TBC1D24: variants seen among roughly 807,000 people sequenced by gnomAD.
TBC1D24 encodes Infantile myoclonic epilepsy.
Under a neutral mutation model 50.7 loss-of-function variants are expected in TBC1D24, and 47 were observed. The ratio of observed to expected loss-of-function variants is 0.93; its 90% confidence interval spans 0.73 to 1.18. The LOEUF is 1.18. Among genes scored for constraint, TBC1D24 ranks in the 50% most tolerant of loss-of-function variants. The probability of loss-of-function intolerance (pLI) is 0.00; values close to 1 mark genes in which losing one functional copy is unlikely to be tolerated. For synonymous variants in TBC1D24, 324 were observed against 335.2 expected, an observed-to-expected ratio of 0.97 and a Z score of 0.36; for missense variants, 688 against 766.5, an observed-to-expected ratio of 0.90 and a Z score of 1.21.
intron 1 of TBC1D24, among the ~76,000 whole-genome samples, chr16:2,490,671 GTTA>G (rs907977363): frequency 6.6e-6 from 1 of 152,218 alleles, no homozygotes; most frequent in Non-Finnish European, 1.5e-5. Context: ...GGAGTTGGGT[GTTA>G]TTATCGGCTC....
chr16:2,495,560 A>G (rs1256679914), intron 1 of TBC1D24, among the ~76,000 whole-genome samples: 1 of 152,144 alleles, frequency 6.6e-6, no homozygotes, highest in Non-Finnish European at 1.5e-5. Context: ...CAGGCACATC[A>G]CAAGGTCAGG....
At position 2,499,316 on chromosome 16, in the gene TBC1D24, G is replaced by T; in HGVS notation, c.1143-41G>T. On this transcript the variant is annotated intron_variant, in intron 4 of 7. Transcript: ENST00000646147. This position sits in a 1 kb window ranked among gnomAD's most constrained non-coding sequence, Gnocchi z 4.0. ...GGAGGCTGCAGGAGGCGGCTGGGAGGGTGTGCAGGGTGACAGCTGGCATGC... is the reference window on the plus strand; with the variant it reads ...GGAGGCTGCAGGAGGCGGCTGGGAGTGTGTGCAGGGTGACAGCTGGCATGC... The T allele has an allele frequency of 1.9e-6, 3 of 1,590,430 alleles. No homozygotes were observed. The highest frequency in any genetic ancestry group is 4.5e-5 in the East Asian group (2 of 44,378).
At chr16:2,494,450 C>G (rs2065721178) in intron 1 of TBC1D24, among the ~76,000 whole-genome samples, 1 of 151,784 alleles carries the variant, frequency 6.6e-6, no homozygotes, top group South Asian at 2.1e-4. Context: ...CGAAGCATCT[C>G]TTTGCTCAAA....
At position 2,497,252 on chromosome 16, in the gene TBC1D24, A is replaced by G. The variant is rs1023834715; in HGVS notation, c.965+139A>G. ...CAGCCATCTGTGCATGGCTGAAAAG[A>G]CACTGAAACAGGAAGGGCCTTCCCA... On this transcript the variant is annotated intron_variant, in intron 2 of 7. Coordinates refer to ENST00000646147, the MANE Select transcript of TBC1D24 (RefSeq NM_001199107.2). 21 of 1,162,364 alleles carry G rather than the reference A, an allele frequency of 1.8e-5. No homozygotes were observed. The African/African-American group carries it at 2.6e-4, about 14-fold the overall frequency. 72.0% of individuals were successfully genotyped at this position (1,162,364 alleles called of 1,614,324 possible). A position where few individuals can be genotyped will look rare whatever the true frequency, so the allele number is the denominator to read the frequency against.
chr16:2,494,600 C>T (rs1047488923), intron 1 of TBC1D24, among the ~76,000 whole-genome samples: 3 of 151,854 alleles, frequency 2.0e-5, no homozygotes, highest in African/African-American at 4.8e-5. Context: ...GATGGGGTCT[C>T]ACCATGTTGC....
At position 2,496,303 on chromosome 16, in the gene TBC1D24, G is replaced by A. The variant is rs755313242; in HGVS notation, c.155G>A (p.Gly52Glu). The A allele has an allele frequency of 1.9e-6, 3 of 1,613,704 alleles. No homozygotes were observed. The highest frequency in any genetic ancestry group is 2.2e-5 in the South Asian group (2 of 91,082). Residue 52 changes from glycine to glutamate, a missense_variant, in exon 2 of 8, where the codon GGA (glycine) becomes GAA (glutamate). Transcript: ENST00000646147. ...TGGGCCCAAAGCCACGCCCTGCGGG[G>A]AAAGGTGTACCAGCGCCTGATCCGG... ...GYWAQSHALR[G>E]KVYQRLIRDI...
In TBC1D24 at chr16:2,504,707, C is replaced by T. The variant is rs1408516448; in HGVS notation, c.*3749C>T. 1 of 152,030 alleles carries T rather than the reference C, an allele frequency of 6.6e-6. No homozygotes were observed. The highest frequency in any genetic ancestry group is 2.4e-5 in the African/African-American group (1 of 41,340). The allele number at this position is 152,030 out of a possible 1,614,324, so 9.4% of individuals were successfully genotyped here. On this transcript the variant is annotated 3_prime_UTR_variant, in exon 8 of 8. Coordinates refer to ENST00000646147, the MANE Select transcript of TBC1D24 (RefSeq NM_001199107.2). ...GTGCTGGGATTACAGGCGTGAGCAA[C>T]CGCGCCCAGCCGAGATTGCCCCGTT...
rs773728743 is a variant in TBC1D24 at position 2,496,686 on chromosome 16, TG to T, written c.539del (p.Cys180SerfsTer2). On this transcript the variant is annotated frameshift_variant, in exon 2 of 8. Coordinates refer to ENST00000646147, the MANE Select transcript of TBC1D24 (RefSeq NM_001199107.2). LOFTEE classifies it high-confidence loss of function. ...GAGCTTCCTGGCCTTTGAGTCGTCC[TG>T]CATGACGTTTGGGGACCTGGTGAAC... ...DQSFLAFESS[C>X]MTFGDLVNKY... 1.2e-6 allele frequency: 2 copies of T among 1,613,456 alleles called. No individual in the cohort carries two copies. Among genetic ancestry groups the T allele is most frequent in the Non-Finnish European group, 1.7e-6 (2 of 1,180,028 alleles).
At position 2,496,482 on chromosome 16, in the gene TBC1D24, G is replaced by C; in HGVS notation, c.334G>C (p.Gly112Arg). The change falls in exon 2 of 8, where the codon GGG becomes CGG. Residue 112 changes from glycine (G) to arginine (R), a missense_variant. By Grantham distance (125) the Gly-to-Arg change is moderately radical. Coordinates refer to ENST00000646147, the MANE Select transcript of TBC1D24 (RefSeq NM_001199107.2). ...CTACTGCCTGAATGCACGCGGCGAG[G>C]GGGCCGTGCGCAAGATCCTCCTGTG... ...PSYCLNARGEGAVRKILLCLA... is the reference protein window; with the variant it reads ...PSYCLNARGERAVRKILLCLA... 6.2e-7 allele frequency: 1 copy of C among 1,610,480 alleles called. No homozygotes were observed. Among genetic ancestry groups the C allele is most frequent in the Non-Finnish European group, 8.5e-7 (1 of 1,179,898 alleles).
chr16:2,499,937 G>C lies in TBC1D24; in HGVS notation c.1302+7G>C, dbSNP rs756289235. Reference sequence around the variant, plus strand: ...AGAATGCTTTGTGTTTAGGGTGAGTGGGGCCAAGTGTCCCCAAACCCCCAC... The same window carrying C: ...AGAATGCTTTGTGTTTAGGGTGAGTCGGGCCAAGTGTCCCCAAACCCCCAC... On this transcript the variant is annotated splice_region_variant and intron_variant, in intron 6 of 7. Coordinates refer to ENST00000646147, the MANE Select transcript of TBC1D24 (RefSeq NM_001199107.2). This position sits in a 1 kb window ranked among gnomAD's most constrained non-coding sequence, Gnocchi z 4.0. The C allele has an allele frequency of 1.2e-6, 2 of 1,613,414 alleles. No homozygotes were observed. The highest frequency in any genetic ancestry group is 1.7e-6 in the Non-Finnish European group (2 of 1,179,436).
intron 1 of TBC1D24, chr16:2,477,589 A>G (rs1000265459): frequency 2.6e-5 from 4 of 152,266 alleles, no homozygotes; most frequent in African/African-American, 4.8e-5. Context: ...ATAAAAATGC[A>G]TTTATTGAAT....
rs1240896079 is a variant in TBC1D24 at position 2,475,895 on chromosome 16, G to A, written c.-116+725G>A. Among the ~76,000 whole-genome samples, 1 of 152,264 alleles carries A rather than the reference G, an allele frequency of 6.6e-6. No homozygotes were observed. Among genetic ancestry groups the A allele is most frequent in the African/African-American group, 2.4e-5 (1 of 41,476 alleles). On this transcript the variant is annotated intron_variant, in intron 1 of 7. Coordinates refer to ENST00000646147, the MANE Select transcript of TBC1D24 (RefSeq NM_001199107.2). This position sits in a 1 kb window ranked among gnomAD's most constrained non-coding sequence, Gnocchi z 4.2. Reference sequence around the variant, plus strand: ...TTCTTTGATGGCCGTGCCCCGCAGGGAAACGCGCTGTGGCCCCCGGGTTAC... The same window carrying A: ...TTCTTTGATGGCCGTGCCCCGCAGGAAAACGCGCTGTGGCCCCCGGGTTAC...
Position 2,487,931 on chromosome 16 carries a change from G to A in TBC1D24, c.-115-8103G>A, listed in dbSNP as rs2065663818. Among the ~76,000 whole-genome samples, 1 of 152,242 alleles carries A rather than the reference G, an allele frequency of 6.6e-6. No individual in the cohort carries two copies. The highest frequency in any genetic ancestry group is 1.5e-5 in the Non-Finnish European group (1 of 68,036). On this transcript the variant is annotated intron_variant, in intron 1 of 7. Transcript: ENST00000646147. This position sits in a 1 kb window ranked among gnomAD's most constrained non-coding sequence, Gnocchi z 4.1. ...GAAGGGAGATGGAGCAGCAACAGCA[G>A]CCAGCAGCTGTGGGGTTGTGTTCCG...
Position 2,501,494 on chromosome 16 carries a change from G to A in TBC1D24, c.*536G>A, listed in dbSNP as rs891759081. ...GGCACCCTTGGGCCTGCCCCCTGGC[G>A]GACCCCACCCCCTGTCCTGGGCGTT... On this transcript the variant is annotated 3_prime_UTR_variant, in exon 8 of 8. Coordinates refer to ENST00000646147, the MANE Select transcript of TBC1D24 (RefSeq NM_001199107.2). The A allele has an allele frequency of 2.5e-5, 4 of 160,512 alleles. No homozygotes were observed. Among genetic ancestry groups the A allele is most frequent in the African/African-American group, 7.2e-5 (3 of 41,578 alleles). The allele number at this position is 160,512 out of a possible 1,614,324, so 9.9% of individuals were successfully genotyped here. A position where few individuals can be genotyped will look rare whatever the true frequency, so the allele number is the denominator to read the frequency against.
intron 1 of TBC1D24, chr16:2,480,517 GTGTGTCTGCCTGAT>G (rs1332653593): frequency 6.6e-6 from 1 of 152,098 alleles, no homozygotes; most frequent in East Asian, 1.9e-4. Flanking sequence ...ATCCGAGACT[GTGTGTCTGCCTGAT>G]TGTTACATAA....
At position 2,504,032 on chromosome 16, in the gene TBC1D24, T is replaced by G. The variant is rs1053882288; in HGVS notation, c.*3074T>G. 6.6e-6 allele frequency: 1 copy of G among 152,190 alleles called. No individual in the cohort carries two copies. The highest frequency in any genetic ancestry group is 1.5e-5 in the Non-Finnish European group (1 of 68,030). 9.4% of individuals were successfully genotyped at this position (152,190 alleles called of 1,614,324 possible). A position where few individuals can be genotyped will look rare whatever the true frequency, so the allele number is the denominator to read the frequency against. ...GTTTAAGCAAAAGAACTTATGAGAG[T>G]AAGTCATTTGTACTTGAATTTTTTC... On this transcript the variant is annotated 3_prime_UTR_variant, in exon 8 of 8. Coordinates refer to ENST00000646147, the MANE Select transcript of TBC1D24 (RefSeq NM_001199107.2).
intron 2 of TBC1D24, 22 bp from the exon 3 acceptor site, chr16:2,497,688 G>A (rs756666993): frequency 1.6e-5 from 25 of 1,535,570 alleles, no homozygotes; most frequent in Admixed American, 7.8e-5. Context: ...CTCCATGTCC[G>A]TTGCTTTCTC....
rs569748051 is a variant in TBC1D24, at chr16:2,497,722, T to C, written c.978T>C (p.Ser326=). 6 of 1,536,184 alleles carry C rather than the reference T, an allele frequency of 3.9e-6. No individual in the cohort carries two copies. The African/African-American group carries it at 8.2e-5, about 21-fold the overall frequency. Residue 326 remains serine (S), a synonymous_variant, in exon 3 of 8, where the codon TCT becomes TCC. Coordinates refer to ENST00000646147, the MANE Select transcript of TBC1D24 (RefSeq NM_001199107.2). ...ITVKQKSVSL[S]KRQFVHLAVH... ...TCCTGTTTTTCAGTGTGTCACTTTCTAAAAGGTAGGTCTGAAACTGTATCT... is the reference window on the plus strand; with the variant it reads ...TCCTGTTTTTCAGTGTGTCACTTTCCAAAAGGTAGGTCTGAAACTGTATCT...
At chr16:2,490,023 T>C (rs1183833049) in intron 1 of TBC1D24, among the ~76,000 whole-genome samples, 2 of 152,162 alleles carry the variant, frequency 1.3e-5, no homozygotes. Context: ...ACTCTGCTGG[T>C]GTCTGGAGCG....
Sources: gnomAD v4.1 joint callset for allele counts (sites outside exome capture counted in the v4.1 genomes callset) on GRCh38, gnomAD v4.1.1 for gene constraint, Gnocchi (gnomAD v3.1) non-coding constraint, MANE v1.5 for transcripts, NCBI Gene and HGNC (gene_info 2026-07-23, HGNC 2026-07-21) for gene names.